The following DPYD variants were observed in gnomAD, a reference collection of about 807,000 sequenced individuals.
The protein encoded by DPYD is dihydropyrimidine dehydrogenase [NADP(+)].
Under a neutral mutation model 116.2 loss-of-function variants are expected in DPYD, and 109 were observed. The observed-to-expected ratio is 0.94, with a 90% CI of 0.80 to 1.10. The LOEUF (loss-of-function observed/expected upper bound fraction) is 1.10, where lower values mean the gene tolerates loss of function less well. Ranked by LOEUF, DPYD falls within the 50% of genes least tolerant of loss-of-function variation. The pLI is 0.00. For synonymous variants in DPYD, 440 were observed against 432.0 expected (o/e 1.02, Z -0.23); for missense variants, 1,302 against 1,254.5 (o/e 1.04, Z -0.57).
intron 14 of DPYD, among the ~76,000 whole-genome samples, chr1:97,439,542 G>A (rs1174358315): frequency 6.6e-6 from 1 of 152,026 alleles, no homozygotes; most frequent in African/African-American, 2.4e-5. Context: ...TTTAATATCT[G>A]TAGAATCTGC....
intron 19 of DPYD, among the ~76,000 whole-genome samples, chr1:97,206,412 C>A (rs1165820334): frequency 6.6e-6 from 1 of 151,412 alleles, no homozygotes; most frequent in Non-Finnish European, 1.5e-5. Flanking sequence ...CACAATAGCA[C>A]CTTGGGTAAG....
intron 3 of DPYD, among the ~76,000 whole-genome samples, chr1:97,755,588 T>C (rs1665183948): frequency 1.3e-5 from 2 of 152,178 alleles, no homozygotes; most frequent in East Asian, 1.9e-4. Flanking sequence ...TGTAAACAAA[T>C]CATCCCTTCT....
At chr1:97,668,941 G>A (rs1421039434) in intron 8 of DPYD, among the ~76,000 whole-genome samples, 1 of 152,098 alleles carries the variant, frequency 6.6e-6, no homozygotes, top group Non-Finnish European at 1.5e-5. Context: ...CATAATGGAT[G>A]TATTAATATA....
chr1:97,341,227 A>T (rs902249822), intron 16 of DPYD, among the ~76,000 whole-genome samples: 2 of 152,146 alleles, frequency 1.3e-5, no homozygotes, highest in African/African-American at 4.8e-5. Flanking sequence ...TGATTAACAC[A>T]GGGTTCTCTC....
intron 14 of DPYD, among the ~76,000 whole-genome samples, chr1:97,432,538 G>C (rs542665416): frequency 6.6e-6 from 1 of 151,288 alleles, no homozygotes; most frequent in African/African-American, 2.4e-5. Context: ...CATTTATCAT[G>C]GTTATTTTAC....
At position 97,080,386 on chromosome 1, in the gene DPYD, A is replaced by G. The variant is rs1007286522; in HGVS notation, c.2908-1240T>C. Among the ~76,000 whole-genome samples the G allele has an allele frequency of 1.1e-4, 16 of 152,216 alleles. No homozygotes were observed. The South Asian group carries it at 1.7e-3, about 16-fold the overall frequency. ...TGTGTATATATATATATAGTTGTTT[A>G]AAAAATTCCCCCCTCCAAATGAAGC... On this transcript the variant is annotated intron_variant, in intron 22 of 22. Transcript: ENST00000370192.
At chr1:97,164,329 G>A (rs1656147204) in intron 20 of DPYD, among the ~76,000 whole-genome samples, 1 of 152,028 alleles carries the variant, frequency 6.6e-6, no homozygotes, top group South Asian at 2.1e-4. Flanking sequence ...CATACTGAAA[G>A]GGCAAAAGCT....
At chr1:97,185,038 C>G (rs1657900028) in intron 20 of DPYD, among the ~76,000 whole-genome samples, 1 of 152,038 alleles carries the variant, frequency 6.6e-6, no homozygotes, top group African/African-American at 2.4e-5. Flanking sequence ...ACGTTTCCTT[C>G]TATTAATGAA....
At chr1:97,820,788 C>CA (rs1668883660) in intron 3 of DPYD, among the ~76,000 whole-genome samples, 1 of 152,292 alleles carries the variant, frequency 6.6e-6, no homozygotes, top group Non-Finnish European at 1.5e-5. Context: ...GCAAATAAAA[C>CA]AATGCCTAAT....
chr1:97,253,130 C>T (rs550077172), intron 18 of DPYD, among the ~76,000 whole-genome samples: 6 of 152,216 alleles, frequency 3.9e-5, no homozygotes, highest in Admixed American at 2.0e-4. Context: ...AAACAAAATA[C>T]TAACAAGTTT....
At chr1:97,501,012 T>C (rs779681079) in intron 13 of DPYD, among the ~76,000 whole-genome samples, 1 of 152,062 alleles carries the variant, frequency 6.6e-6, no homozygotes, top group Non-Finnish European at 1.5e-5. Flanking sequence ...ACCTCTCAGA[T>C]CTTATTGACT....
chr1:97,328,179 T>G (rs560522488), intron 16 of DPYD, among the ~76,000 whole-genome samples: 3 of 152,176 alleles, frequency 2.0e-5, no homozygotes, highest in Non-Finnish European at 4.4e-5. Context: ...AGATAGCACA[T>G]GCATAATTCG....
At position 97,573,922 on chromosome 1, in the gene DPYD, G is replaced by A. The variant is rs2102184394; in HGVS notation, c.1177C>T (p.Pro393Ser). The change falls in exon 11 of 23, where the codon CCA becomes TCA. Residue 393 changes from proline (P) to serine (S), a missense_variant. Coordinates refer to ENST00000370192, the MANE Select transcript of DPYD (RefSeq NM_000110.4). The part of the protein sequence containing the change: ...EKCEFLPFLS[P>S]RKVIVKGGRI... ...CCACCTTTTACTATAACCTTCCGTGGGGACAGGAATGGCAGAAATTCACAC... is the reference window on the plus strand; with the variant it reads ...CCACCTTTTACTATAACCTTCCGTGAGGACAGGAATGGCAGAAATTCACAC... 2 of 1,613,638 alleles carry A rather than the reference G, an allele frequency of 1.2e-6. No individual in the cohort carries two copies. Among genetic ancestry groups the A allele is most frequent in the Non-Finnish European group, 1.7e-6 (2 of 1,179,662 alleles).
In DPYD at chr1:97,206,638, TTATATATA is replaced by T. The variant is rs57893705; in HGVS notation, c.2443-13398_2443-13391del. On this transcript the variant is annotated intron_variant, in intron 19 of 22. Transcript: ENST00000370192. ...GCTTTCATGTGAAAACAGGGAGATT[TTATATATA>T]TATATATATATATATATATATATAT... is the stretch of plus-strand genomic sequence containing the variant. Among the ~76,000 whole-genome samples the T allele has an allele frequency of 8.7e-3, 427 of 48,952 alleles. 8 individuals carry two copies. Among genetic ancestry groups the T allele is most frequent in the Non-Finnish European group, 0.012 (213 of 17,172 alleles). The allele number at this position is 48,952 out of a possible 152,430, so 32.1% of individuals were successfully genotyped here.
In DPYD at chr1:97,756,620, A is replaced by AT. The variant is rs1216829105; in HGVS notation, c.234-16142dup. On this transcript the variant is annotated intron_variant, in intron 3 of 22. Transcript: ENST00000370192. Reference sequence around the variant, plus strand: ...ATTTCTCACCTGCTCCCTACTTGGTATTTTTTTAAGGTGAACTTTTCAGAA... The same window carrying AT: ...ATTTCTCACCTGCTCCCTACTTGGTATTTTTTTTAAGGTGAACTTTTCAGAA... Among the ~76,000 whole-genome samples, 7 of 152,004 alleles carry AT rather than the reference A, an allele frequency of 4.6e-5. No individual in the cohort carries two copies. The East Asian group carries it at 5.8e-4, about 13-fold the overall frequency.
Position 97,450,124 on chromosome 1 carries a change from T to G in DPYD, c.1840A>C (p.Ser614Arg). 6.2e-7 allele frequency: 1 copy of G among 1,614,028 alleles called. No homozygotes were observed. Among genetic ancestry groups the G allele is most frequent in the East Asian group, 2.2e-5 (1 of 44,866 alleles). Residue 614 changes from serine (S) to arginine (R), a missense_variant, in exon 14 of 23, where the codon AGT becomes CGT. By Grantham distance (110) the Ser-to-Arg change is moderately radical. Coordinates refer to ENST00000370192, the MANE Select transcript of DPYD (RefSeq NM_000110.4). ...CACCAATATGCAGCCGTTTTCTCAC[T>G]GATGAGCTCAATATTCAGAAAGGAG... is the stretch of plus-strand genomic sequence containing the variant. Reference protein sequence around the residue: ...QSSFLNIELISEKTAAYWCQS... With the variant: ...QSSFLNIELIREKTAAYWCQS...
chr1:97,833,466 G>C (rs899626638), intron 2 of DPYD, among the ~76,000 whole-genome samples: 7 of 152,042 alleles, frequency 4.6e-5, no homozygotes, highest in African/African-American at 1.7e-4. Flanking sequence ...TCTTTGAAAT[G>C]ATTTACAATT....
chr1:97,507,238 T>C (rs1477938245), intron 13 of DPYD, among the ~76,000 whole-genome samples: 1 of 151,988 alleles, frequency 6.6e-6, no homozygotes, highest in African/African-American at 2.4e-5. Context: ...GGTGATAAAC[T>C]ATTAGTATAC....
At chr1:97,447,951 C>T (rs907494874) in intron 14 of DPYD, among the ~76,000 whole-genome samples, 1 of 151,898 alleles carries the variant, frequency 6.6e-6, no homozygotes, top group Non-Finnish European at 1.5e-5. Flanking sequence ...AATACTAGAA[C>T]AGTGGCTTAC....
Sources: gnomAD v4.1 joint callset for allele counts (sites outside exome capture counted in the v4.1 genomes callset) on GRCh38, gnomAD v4.1.1 for gene constraint, MANE v1.5 for transcripts, NCBI Gene and HGNC (gene_info 2026-07-23, HGNC 2026-07-21) for gene names.